Variants in IL27RA observed in about 807,000 individuals in gnomAD.
The protein encoded by IL27RA is interleukin 27 receptor subunit alpha.
IL27RA carries 61 observed loss-of-function variants against 80.8 expected under a neutral mutation model. The ratio of observed to expected loss-of-function variants is 0.76; its 90% CI spans 0.61 to 0.93. The LOEUF (loss-of-function observed/expected upper bound fraction) is 0.93. IL27RA is among the 40% of genes least tolerant of loss of function. The probability of loss-of-function intolerance (pLI) is 0.00; values close to 1 mark genes in which losing one functional copy is unlikely to be tolerated. For missense variants in IL27RA, 735 were observed against 808.1 expected (o/e 0.91, Z 1.10); for synonymous variants, 316 against 332.5 (o/e 0.95, Z 0.54).
At chr19:14,032,134 C>T (rs970199347) in intron 1 of IL27RA, among the ~76,000 whole-genome samples, 162 bp downstream of exon 1, 1 of 152,180 alleles carries the variant, frequency 6.6e-6, no homozygotes, top group African/African-American at 2.4e-5. Context: ...GGGGAATGGG[C>T]GGCAGCGAGG....
chr19:14,036,492 T>A (rs1428588099), intron 2 of IL27RA, among the ~76,000 whole-genome samples: 1 of 146,342 alleles, frequency 6.8e-6, no homozygotes, highest in African/African-American at 2.5e-5. Flanking sequence ...GGATTTCCTT[T>A]TTTTTTTTTT....
At chr19:14,045,763 G>A (rs916883280) in intron 6 of IL27RA, among the ~76,000 whole-genome samples, 1 of 150,918 alleles carries the variant, frequency 6.6e-6, no homozygotes, top group African/African-American at 2.5e-5. Context: ...GCTGACTCAC[G>A]CCTGTAATCC....
In IL27RA at chr19:14,044,401, G is replaced by A. The variant is rs371796390; in HGVS notation, c.768+1612G>A. 1.7e-3 allele frequency among the ~76,000 whole-genome samples: 251 copies of A among 151,900 alleles called. 1 individual carries two copies. The highest frequency in any genetic ancestry group is 5.6e-3 in the African/African-American group (230 of 41,350). On this transcript the variant is annotated intron_variant, in intron 6 of 13. Transcript: ENST00000263379. ...ATTATAGGCGCCCGCCACCACACCCGGCTAATTTTTGTATTTTTAGTAGAG... is the reference window on the plus strand; with the variant it reads ...ATTATAGGCGCCCGCCACCACACCCAGCTAATTTTTGTATTTTTAGTAGAG...
At position 14,039,871 on chromosome 19, in the gene IL27RA, G is replaced by T; in HGVS notation, c.495G>T (p.Gln165His). The T allele has an allele frequency of 1.9e-6, 3 of 1,614,158 alleles. No homozygotes were observed. The highest frequency in any genetic ancestry group is 2.5e-6 in the Non-Finnish European group (3 of 1,180,028). ...TWPSHKVLIC[Q>H]FHYRRCQEAA... ...CATCTCATAAAGTTCTGATCTGCCAGTTCCACTACCGAAGATGTCAGGAGG... is the reference window on the plus strand; with the variant it reads ...CATCTCATAAAGTTCTGATCTGCCATTTCCACTACCGAAGATGTCAGGAGG... The change falls in exon 4 of 14, where the codon CAG (glutamine) becomes CAT (histidine). Residue 165 changes from glutamine to histidine, a missense_variant. Coordinates refer to ENST00000263379, the MANE Select transcript of IL27RA (RefSeq NM_004843.4).
intron 4 of IL27RA, among the ~76,000 whole-genome samples, chr19:14,041,699 A>AT (rs1213028157): frequency 6.6e-6 from 1 of 152,108 alleles, no homozygotes; most frequent in Non-Finnish European, 1.5e-5. Flanking sequence ...GACTGTGGCA[A>AT]TTTTTTTGAC....
At chr19:14,051,542 A>G in intron 11 of IL27RA, 65 bp from the exon 12 acceptor site, 1 of 978,732 alleles carries the variant, frequency 1.0e-6, no homozygotes, top group African/African-American at 1.7e-5. Flanking sequence ...ACTCTGTCTC[A>G]AAAATAAAAA....
At chr19:14,033,093 CTTTT>C (rs1010935225) in intron 2 of IL27RA, among the ~76,000 whole-genome samples, 7 of 117,172 alleles carry the variant, frequency 6.0e-5, no homozygotes, top group Admixed American at 8.8e-5. Flanking sequence ...GAGCCCGTCA[CTTTT>C]TTTTTTTTTT....
intron 2 of IL27RA, among the ~76,000 whole-genome samples, chr19:14,032,998 A>C (rs1289087970): frequency 2.0e-5 from 3 of 149,122 alleles, no homozygotes; most frequent in Non-Finnish European, 4.4e-5. Context: ...GGGCCAGGAG[A>C]GGTGGTTTGC....
At chr19:14,036,102 G>A (rs1975893996) in intron 2 of IL27RA, among the ~76,000 whole-genome samples, 1 of 150,616 alleles carries the variant, frequency 6.6e-6, no homozygotes, top group South Asian at 2.1e-4. Flanking sequence ...GAAAGAAGAA[G>A]AAGAAGAAGA....
intron 2 of IL27RA, among the ~76,000 whole-genome samples, chr19:14,037,834 C>CTTTTTTTTTTTTTT (rs1555764856): frequency 6.4e-4 from 83 of 129,398 alleles, no homozygotes; most frequent in African/African-American, 2.3e-3. Context: ...CTCTCTCTCT[C>CTTTTTTTTTTTTTT]TTTTTTTTTT....
Position 14,046,475 on chromosome 19 carries a change from G to T in IL27RA, c.998G>T (p.Gly333Val). The T allele has an allele frequency of 6.2e-7, 1 of 1,614,134 alleles. No individual in the cohort carries two copies. Among genetic ancestry groups the T allele is most frequent in the Non-Finnish European group, 8.5e-7 (1 of 1,180,030 alleles). Residue 333 changes from glycine to valine, a missense_variant, in exon 8 of 14, where the codon GGG becomes GTG. By Grantham distance (109) the Gly-to-Val change is moderately radical. Coordinates refer to ENST00000263379, the MANE Select transcript of IL27RA (RefSeq NM_004843.4). ...PRSVAVSSIA[G>V]STELLVTWQP... The stretch of plus-strand genomic sequence containing the variant: ...AGCGTGGCAGTCAGCAGCATCGCTG[G>T]GAGCACGGAGCTACTGGTGACCTGG...
At position 14,031,937 on chromosome 19, in the gene IL27RA, T is replaced by A. The variant is rs974457929; in HGVS notation, c.65T>A (p.Leu22Gln). 1.2e-6 allele frequency: 2 copies of A among 1,611,128 alleles called. No individual in the cohort carries two copies. Among genetic ancestry groups the A allele is most frequent in the African/African-American group, 2.7e-5 (2 of 74,986 alleles). ...WPLPKLALLP[L>Q]LWVLFQRTRP... The stretch of plus-strand genomic sequence containing the variant: ...CTGCCCAAGCTGGCGCTGCTGCCTC[T>A]GTTGTGGGTGCTTTTCCAGCGGACG... Residue 22 changes from leucine to glutamine, a missense_variant, in exon 1 of 14, where the codon CTG becomes CAG. Leu to Gln is a moderately radical substitution (Grantham distance 113). Transcript: ENST00000263379.
chr19:14,048,659 G>A (rs1976107120), intron 8 of IL27RA, among the ~76,000 whole-genome samples: 1 of 152,156 alleles, frequency 6.6e-6, no homozygotes, highest in Non-Finnish European at 1.5e-5. Flanking sequence ...ACAGCCCTCA[G>A]CATGACTAAT....
chr19:14,031,771 C>T lies in IL27RA; in HGVS notation c.-102C>T. On this transcript the variant is annotated 5_prime_UTR_variant, in exon 1 of 14. Transcript: ENST00000263379. ...GCGGCCTGCCGGGGTGGTTCGGCTTCCCGTTGCCGCCTCGGGCGCTGTACC... is the reference window on the plus strand; with the variant it reads ...GCGGCCTGCCGGGGTGGTTCGGCTTTCCGTTGCCGCCTCGGGCGCTGTACC... 1.0e-6 allele frequency: 1 copy of T among 966,980 alleles called. No individual in the cohort carries two copies. The highest frequency in any genetic ancestry group is 1.7e-5 in the South Asian group (1 of 60,462). The allele number at this position is 966,980 out of a possible 1,614,324, so 59.9% of individuals were successfully genotyped here. A position where few individuals can be genotyped will look rare whatever the true frequency, so the allele number is the denominator to read the frequency against.
At chr19:14,033,220 C>T (rs1296320160) in intron 2 of IL27RA, among the ~76,000 whole-genome samples, 1 of 150,974 alleles carries the variant, frequency 6.6e-6, no homozygotes, top group Non-Finnish European at 1.5e-5. Context: ...CCTCAGCCTC[C>T]AGAGTAGCTG....
chr19:14,032,333 C>G lies in IL27RA; in HGVS notation c.101-53C>G, dbSNP rs550938242. ...AAGTCCAAGTTCTGGGGTGTGCAGGCGGAAGGGGGGGATTCGACCCCCTTT... is the reference window on the plus strand; with the variant it reads ...AAGTCCAAGTTCTGGGGTGTGCAGGGGGAAGGGGGGGATTCGACCCCCTTT... On this transcript the variant is annotated intron_variant, in intron 1 of 13. Transcript: ENST00000263379. 7.4e-6 allele frequency: 10 copies of G among 1,355,048 alleles called. No homozygotes were observed. The African/African-American group carries it at 1.4e-4, about 19-fold the overall frequency. 83.9% of individuals were successfully genotyped at this position (1,355,048 alleles called of 1,614,324 possible).
intron 2 of IL27RA, among the ~76,000 whole-genome samples, chr19:14,038,584 AAAAAG>A (rs1389540918): frequency 2.6e-5 from 4 of 151,290 alleles, no homozygotes; most frequent in African/African-American, 9.7e-5. Flanking sequence ...AAAAAAAAAA[AAAAAG>A]AGAGAGAGGA....
Position 14,052,314 on chromosome 19 carries a change from C to T in IL27RA, c.*24C>T, listed in dbSNP as rs1158748962. The T allele has an allele frequency of 6.8e-7, 1 of 1,460,700 alleles. No homozygotes were observed. The allele number at this position is 1,460,700 out of a possible 1,614,324, so 90.5% of individuals were successfully genotyped here. A position where few individuals can be genotyped will look rare whatever the true frequency, so the allele number is the denominator to read the frequency against. ...GAACCACACGTCTGGCTGGGGGCTG[C>T]CAGCCAGGCTAGAGGGATGCTCATG... is the stretch of plus-strand genomic sequence containing the variant. On this transcript the variant is annotated 3_prime_UTR_variant, in exon 14 of 14. Coordinates refer to ENST00000263379, the MANE Select transcript of IL27RA (RefSeq NM_004843.4).
chr19:14,052,425 AC>A lies in IL27RA; in HGVS notation c.*138del. The A allele has an allele frequency of 1.5e-6, 1 of 688,012 alleles. No individual in the cohort carries two copies. Among genetic ancestry groups the A allele is most frequent in the Non-Finnish European group, 2.2e-6 (1 of 444,632 alleles). The allele number at this position is 688,012 out of a possible 1,614,324, so 42.6% of individuals were successfully genotyped here. ...GAGGCTGAGTCACTTACCTGAGGAC[AC>A]CCAGCCAGGCAGAGCTGGGATTGAA... On this transcript the variant is annotated 3_prime_UTR_variant, in exon 14 of 14. Coordinates refer to ENST00000263379, the MANE Select transcript of IL27RA (RefSeq NM_004843.4).
Sources: gnomAD v4.1 joint callset for allele counts (sites outside exome capture counted in the v4.1 genomes callset) on GRCh38, gnomAD v4.1.1 for gene constraint, MANE v1.5 for transcripts, NCBI Gene and HGNC (gene_info 2026-07-23, HGNC 2026-07-21) for gene names.